SAXO1: variants seen among roughly 807,000 people sequenced by gnomAD.
SAXO1 encodes 4930500O09Rik.
In SAXO1, 21 loss-of-function variants were observed where a neutral mutation model predicts 17.5. That is an observed-to-expected ratio of 1.20 (90% confidence interval 0.85 to 1.72). The LOEUF (loss-of-function observed/expected upper bound fraction) is 1.72. Ranked by LOEUF, SAXO1 falls within the 40% of genes most tolerant of loss-of-function variation. The pLI is 0.00. For synonymous variants in SAXO1, 274 were observed against 216.5 expected (o/e 1.27, Z -2.33); for missense variants, 843 against 596.0 (o/e 1.41, Z -4.32).
intron 1 of SAXO1, among the ~76,000 whole-genome samples, chr9:19,040,406 G>A (rs1250522780): frequency 6.6e-6 from 1 of 152,128 alleles, no homozygotes; most frequent in Non-Finnish European, 1.5e-5. Flanking sequence ...TCTCTGGGAG[G>A]CTGAGGCACA....
intron 1 of SAXO1, among the ~76,000 whole-genome samples, chr9:18,978,305 C>T (rs1016803654): frequency 7.2e-5 from 11 of 152,148 alleles, no homozygotes; most frequent in Non-Finnish European, 1.5e-4. Flanking sequence ...AAAGCTCAAC[C>T]TTTCACAGCC....
At chr9:19,008,246 G>A (rs1834571104) in intron 1 of SAXO1, among the ~76,000 whole-genome samples, 1 of 152,074 alleles carries the variant, frequency 6.6e-6, no homozygotes. Context: ...TCAAAGTGCT[G>A]GGATTACAGG....
At chr9:19,035,215 C>T (rs1835905391), upstream of SAXO1, among the ~76,000 whole-genome samples, 1 of 152,152 alleles carries the variant, frequency 6.6e-6, no homozygotes, top group African/African-American at 2.4e-5. Flanking sequence ...CCATAATTCC[C>T]ACATGTTGTG....
chr9:19,039,177 C>G (rs1836016366), intron 1 of SAXO1, among the ~76,000 whole-genome samples: 1 of 151,846 alleles, frequency 6.6e-6, no homozygotes, highest in South Asian at 2.1e-4. Flanking sequence ...CTGAAACCAG[C>G]AACATATAAA....
In SAXO1 at chr9:18,928,075, T is replaced by C; in HGVS notation, c.1402A>G (p.Arg468Gly). Residue 468 changes from arginine (R) to glycine (G), a missense_variant, in exon 4 of 4, where the codon AGG becomes GGG. Physicochemically the swap from Arg to Gly is moderately radical, Grantham distance 125 (BLOSUM62 -2). Coordinates refer to ENST00000380534, the MANE Select transcript of SAXO1 (RefSeq NM_153707.4). ...AATCAGGCTAACACTTCCAACTCCC[T>C]CTGGTTGGGGTTTTCTGAATCATCT... ...SVDDSENPNQ[R>G]ELEVLA 6.2e-7 allele frequency: 1 copy of C among 1,604,350 alleles called. No homozygotes were observed.
intron 1 of SAXO1, chr9:19,027,089 G>A (rs1018680351): frequency 1.1e-5 from 10 of 898,384 alleles, no homozygotes; most frequent in East Asian, 9.8e-5. Context: ...AAATCAATGT[G>A]AACAAAACCC....
Position 18,938,391 on chromosome 9 carries a change from A to G in SAXO1, c.421+3246T>C, listed in dbSNP as rs191168553. Among the ~76,000 whole-genome samples the G allele has an allele frequency of 2.0e-5, 3 of 152,254 alleles. No individual in the cohort carries two copies. In the East Asian group the frequency reaches 5.8e-4, roughly 29 times the overall value. On this transcript the variant is annotated intron_variant, in intron 3 of 3. Transcript: ENST00000380534. ...GGGGAGGCCTCAGGGAGTTTTACTC[A>G]TGGTGGAAGGCAAAGTGCAATAAGG...
At chr9:19,015,816 T>C (rs1169583566) in intron 1 of SAXO1, among the ~76,000 whole-genome samples, 1 of 152,132 alleles carries the variant, frequency 6.6e-6, no homozygotes, top group Non-Finnish European at 1.5e-5. Flanking sequence ...CTTTGTGTTT[T>C]TGAGGTTGAC....
intron 3 of SAXO1, among the ~76,000 whole-genome samples, chr9:18,931,860 G>A (rs1226048238): frequency 6.6e-6 from 1 of 152,152 alleles, no homozygotes; most frequent in Non-Finnish European, 1.5e-5. Context: ...TTTAAAATTA[G>A]ATTGTCTTCT....
At chr9:18,929,725 G>A (rs1830954487) in intron 3 of SAXO1, among the ~76,000 whole-genome samples, 1 of 152,302 alleles carries the variant, frequency 6.6e-6, no homozygotes, top group African/African-American at 2.4e-5. Flanking sequence ...TCCTAATAAG[G>A]TGGGTACTAT....
intron 1 of SAXO1, among the ~76,000 whole-genome samples, chr9:18,999,478 C>A (rs1834156010): frequency 6.6e-6 from 1 of 151,876 alleles, no homozygotes; most frequent in Non-Finnish European, 1.5e-5. Flanking sequence ...GTGAGGAGCA[C>A]CTCTGCCCGG....
intron 1 of SAXO1, among the ~76,000 whole-genome samples, chr9:19,032,566 C>T (rs1006834755): frequency 6.6e-6 from 1 of 152,226 alleles, no homozygotes; most frequent in Non-Finnish European, 1.5e-5. Context: ...GGTGTTCTCC[C>T]TCCTTGGCTG....
chr9:19,047,993 A>C (rs1244811513), intron 1 of SAXO1, among the ~76,000 whole-genome samples: 3 of 152,224 alleles, frequency 2.0e-5, no homozygotes, highest in African/African-American at 7.2e-5. Context: ...ATACATTGAG[A>C]GGAGATTTTC....
intron 1 of SAXO1, among the ~76,000 whole-genome samples, chr9:18,976,723 G>A (rs575481054): frequency 3.2e-4 from 49 of 152,268 alleles, no homozygotes; most frequent in Non-Finnish European, 4.7e-4. Flanking sequence ...TACACGTTGC[G>A]TGATAAACTT....
intron 1 of SAXO1, among the ~76,000 whole-genome samples, chr9:18,992,625 C>A (rs1344227708): frequency 2.7e-4 from 41 of 152,188 alleles, no homozygotes. Context: ...ACTCTCCAAA[C>A]CTGGCACCTC....
intron 1 of SAXO1, among the ~76,000 whole-genome samples, chr9:19,012,469 C>A (rs1280781093): frequency 6.6e-6 from 1 of 152,218 alleles, no homozygotes; most frequent in East Asian, 1.9e-4. Flanking sequence ...TGAATGTAAT[C>A]AACTTTGTGG....
At chr9:18,982,601 T>C (rs960709842) in intron 1 of SAXO1, among the ~76,000 whole-genome samples, 2 of 152,198 alleles carry the variant, frequency 1.3e-5, no homozygotes, top group African/African-American at 2.4e-5. Context: ...TGACTTTGTA[T>C]ATAACGTCAG....
intron 2 of SAXO1, among the ~76,000 whole-genome samples, chr9:18,944,293 T>C (rs1406539522): frequency 1.3e-5 from 2 of 152,214 alleles, no homozygotes; most frequent in African/African-American, 4.8e-5. Flanking sequence ...TTACTGTGGC[T>C]TAGGAGTGAA....
At chr9:19,033,750 T>C (rs1210656543), upstream of SAXO1, among the ~76,000 whole-genome samples, 1 of 152,238 alleles carries the variant, frequency 6.6e-6, no homozygotes, top group Non-Finnish European at 1.5e-5. Flanking sequence ...TCTCAAATTC[T>C]AGTTGGCATC....
Sources: allele counts gnomAD v4.1 joint callset (sites outside exome capture counted in the v4.1 genomes callset), GRCh38; gene constraint gnomAD v4.1.1; transcripts MANE v1.5; gene names NCBI Gene and HGNC (gene_info 2026-07-23, HGNC 2026-07-21).